S100Z: variants seen among roughly 807,000 people sequenced by gnomAD.
The protein encoded by S100Z is protein S100-Z.
Under a neutral mutation model 8.5 loss-of-function variants are expected in S100Z, and 11 were observed. The ratio of observed to expected loss-of-function variants is 1.30; its 90% CI spans 0.82 to 2.15. The LOEUF (loss-of-function observed/expected upper bound fraction) is 2.15, where lower values mean the gene tolerates loss of function less well. S100Z is among the 30% of genes most tolerant of loss of function. S100Z has a pLI of 0.00. For synonymous variants in S100Z, 34 were observed against 43.8 expected (o/e 0.78, Z 0.89); for missense variants, 126 against 117.9 (o/e 1.07, Z -0.32).
Position 76,850,124 on chromosome 5 carries a change from C to T in S100Z, c.-207C>T, listed in dbSNP as rs1290465178. The T allele has an allele frequency of 6.6e-6, 1 of 152,168 alleles. No homozygotes were observed. Among genetic ancestry groups the T allele is most frequent in the Admixed American group, 6.6e-5 (1 of 15,262 alleles). 9.4% of individuals were successfully genotyped at this position (152,168 alleles called of 1,614,324 possible). A position where few individuals can be genotyped will look rare whatever the true frequency, so the allele number is the denominator to read the frequency against. ...CAGAAATTCAGACAAGAGCATTCTC[C>T]TTATCTCATCTGCACAGGAAGCAGG... is the stretch of plus-strand genomic sequence containing the variant. On this transcript the variant is annotated 5_prime_UTR_variant, in exon 1 of 5. Transcript: ENST00000317593.
chr5:76,867,779 G>A (rs531976652), intron 1 of S100Z, among the ~76,000 whole-genome samples: 137 of 151,794 alleles, frequency 9.0e-4, no homozygotes, highest in African/African-American at 3.0e-3. Flanking sequence ...ATGGGGTTTC[G>A]CCATGTTGGC....
At chr5:76,909,441 G>A (rs942102103) in intron 4 of S100Z, among the ~76,000 whole-genome samples, 2 of 152,174 alleles carry the variant, frequency 1.3e-5, no homozygotes, top group Non-Finnish European at 1.5e-5. Flanking sequence ...CTGTAAGAGG[G>A]AAGGCAAATG....
intron 1 of S100Z, among the ~76,000 whole-genome samples, 164 bp downstream of exon 1, chr5:76,850,319 G>A (rs1170910257): frequency 1.4e-5 from 2 of 138,528 alleles, no homozygotes; most frequent in Non-Finnish European, 3.1e-5. Flanking sequence ...GGCCACAAAG[G>A]GGTCGGGGGG....
chr5:76,899,240 A>C (rs933316160), intron 4 of S100Z, among the ~76,000 whole-genome samples: 4 of 152,026 alleles, frequency 2.6e-5, no homozygotes, highest in African/African-American at 9.7e-5. Context: ...GCCTCTTTAT[A>C]GGTGAATTGT....
At chr5:76,918,253 C>T (rs535193412) in intron 4 of S100Z, among the ~76,000 whole-genome samples, 1 of 152,350 alleles carries the variant, frequency 6.6e-6, no homozygotes, top group Admixed American at 6.5e-5. Flanking sequence ...GTCACCCAGG[C>T]TTGAGTGCAG....
chr5:76,940,888 C>G, the S100Z span, among the ~76,000 whole-genome samples: 1 of 152,240 alleles, frequency 6.6e-6, no homozygotes, highest in African/African-American at 2.4e-5. Flanking sequence ...TCAGACTTTT[C>G]TTGTTTTTGA....
At chr5:76,949,016 G>T in the S100Z span, 1 of 152,168 alleles carries the variant, frequency 6.6e-6, no homozygotes, top group Admixed American at 6.5e-5. Context: ...CCTGGGTGAA[G>T]AAATGATCTG....
chr5:76,947,766 G>A, the S100Z span, among the ~76,000 whole-genome samples: 1 of 152,154 alleles, frequency 6.6e-6, no homozygotes, highest in Non-Finnish European at 1.5e-5. Flanking sequence ...AATGGGGAAA[G>A]GATAATCTGT....
At chr5:76,920,191 G>A (rs1488737232) in intron 4 of S100Z, among the ~76,000 whole-genome samples, 1 of 152,180 alleles carries the variant, frequency 6.6e-6, no homozygotes, top group Non-Finnish European at 1.5e-5. Flanking sequence ...TTACAGGCAT[G>A]AGCCACCACG....
the S100Z span, among the ~76,000 whole-genome samples, chr5:76,943,279 C>T: frequency 6.6e-6 from 1 of 152,186 alleles, no homozygotes; most frequent in Non-Finnish European, 1.5e-5. Flanking sequence ...GTGACCTCTC[C>T]AGCATAGTGG....
intron 2 of S100Z, among the ~76,000 whole-genome samples, chr5:76,873,934 C>CT (rs1298244898): frequency 6.6e-6 from 1 of 152,116 alleles, no homozygotes; most frequent in Non-Finnish European, 1.5e-5. Flanking sequence ...TTTATTTCAA[C>CT]TTTTTTATTA....
chr5:76,886,516 C>T (rs1022856102), intron 4 of S100Z, among the ~76,000 whole-genome samples: 1 of 152,156 alleles, frequency 6.6e-6, no homozygotes, highest in East Asian at 1.9e-4. Flanking sequence ...TGGATCTCTT[C>T]ATGGAGTGAG....
the S100Z span, among the ~76,000 whole-genome samples, chr5:76,942,075 T>G: frequency 6.6e-6 from 1 of 152,146 alleles, no homozygotes; most frequent in African/African-American, 2.4e-5. Context: ...ACCATGATAT[T>G]TAAAAACATG....
rs1311818877 is a variant in S100Z, at chr5:76,875,365, C to T, written c.6C>T (p.Pro2=). 6.2e-7 allele frequency: 1 copy of T among 1,610,832 alleles called. No homozygotes were observed. Among genetic ancestry groups the T allele is most frequent in the East Asian group, 2.2e-5 (1 of 44,756 alleles). Residue 2 remains proline (P), a synonymous_variant, in exon 3 of 5, where the codon CCC becomes CCT. Transcript: ENST00000317593. ...TGGTCAGTTCTGCTGCCGACATGCC[C>T]ACCCAGCTCGAGATGGCCATGGACA... M[P]TQLEMAMDTM...
chr5:76,936,337 T>C, the S100Z span, among the ~76,000 whole-genome samples: 1 of 152,134 alleles, frequency 6.6e-6, no homozygotes, highest in Non-Finnish European at 1.5e-5. Context: ...TGCAAATTAG[T>C]ATGTGCACTA....
chr5:76,936,810 G>C, the S100Z span, among the ~76,000 whole-genome samples: 1 of 152,070 alleles, frequency 6.6e-6, no homozygotes, highest in Admixed American at 6.6e-5. Flanking sequence ...ATTGCCACTG[G>C]GGATGGAGAT....
downstream of S100Z, among the ~76,000 whole-genome samples, chr5:76,922,816 C>T (rs533516598): frequency 6.6e-5 from 10 of 152,284 alleles, no homozygotes; most frequent in African/African-American, 2.4e-4. Flanking sequence ...AGCCACCATG[C>T]CTAGCCAAAG....
the S100Z span, among the ~76,000 whole-genome samples, chr5:76,939,726 C>T: frequency 1.9e-4 from 29 of 149,618 alleles, 2 homozygotes; most frequent in East Asian, 2.0e-3. Flanking sequence ...TTGGCTAGGC[C>T]GGTCTTGAAC....
intron 1 of S100Z, among the ~76,000 whole-genome samples, chr5:76,866,828 T>G (rs1454964005): frequency 6.6e-6 from 1 of 152,210 alleles, no homozygotes; most frequent in Non-Finnish European, 1.5e-5. Flanking sequence ...TATATTTCTG[T>G]CATTAAGTAA....
Sources: allele counts gnomAD v4.1 joint callset (sites outside exome capture counted in the v4.1 genomes callset), GRCh38; gene constraint gnomAD v4.1.1; transcripts MANE v1.5; gene names NCBI Gene and HGNC (gene_info 2026-07-23, HGNC 2026-07-21).